MIPOL1: variants seen among roughly 807,000 people sequenced by gnomAD.
The protein encoded by MIPOL1 is mirror-image polydactyly 1, also known as mirror-image polydactyly gene 1 protein.
MIPOL1 carries 57 observed loss-of-function variants against 60.9 expected under a neutral mutation model. That is an observed-to-expected ratio of 0.94 (90% CI 0.76 to 1.17). The LOEUF (loss-of-function observed/expected upper bound fraction) is 1.17. Among genes scored for constraint, MIPOL1 ranks in the 50% most tolerant of loss-of-function variants. The pLI is 0.00. For missense variants in MIPOL1, 551 were observed against 511.6 expected, an observed-to-expected ratio of 1.08 and a Z score of -0.74; for synonymous variants, 179 against 168.8, an observed-to-expected ratio of 1.06 and a Z score of -0.47.
chr14:37,353,155 T>A (rs1185921558), intron 9 of MIPOL1, among the ~76,000 whole-genome samples: 2 of 145,480 alleles, frequency 1.4e-5, no homozygotes, highest in Non-Finnish European at 3.0e-5. Context: ...CTGCATCTAT[T>A]GAGATAATCA....
At chr14:37,342,595 A>C (rs1186603154) in intron 9 of MIPOL1, among the ~76,000 whole-genome samples, 5 of 151,820 alleles carry the variant, frequency 3.3e-5, no homozygotes, top group Non-Finnish European at 7.4e-5. Flanking sequence ...ACAGGGTTTC[A>C]CCATGTTGGT....
intron 10 of MIPOL1, among the ~76,000 whole-genome samples, chr14:37,380,939 T>C (rs1171797716): frequency 1.3e-5 from 2 of 152,136 alleles, no homozygotes; most frequent in African/African-American, 4.8e-5. Context: ...TGGAATGCTT[T>C]TCCAACCTTT....
At chr14:37,471,467 G>T (rs1404674985) in intron 11 of MIPOL1, among the ~76,000 whole-genome samples, 1 of 152,156 alleles carries the variant, frequency 6.6e-6, no homozygotes, top group Non-Finnish European at 1.5e-5. Context: ...GGAGGGTGAG[G>T]TGAGGCTTAA....
chr14:37,481,246 A>G (rs959577318), intron 11 of MIPOL1, among the ~76,000 whole-genome samples: 1 of 152,202 alleles, frequency 6.6e-6, no homozygotes, highest in Non-Finnish European at 1.5e-5. Context: ...TCTGAACCAG[A>G]AATCAAGAGA....
intron 6 of MIPOL1, among the ~76,000 whole-genome samples, chr14:37,283,311 C>T (rs2084280911): frequency 6.6e-6 from 1 of 152,148 alleles, no homozygotes; most frequent in Non-Finnish European, 1.5e-5. Flanking sequence ...AGGTGATCCA[C>T]CTGCCTCGGC....
intron 12 of MIPOL1, chr14:37,501,640 A>G (rs2095216903): frequency 6.6e-6 from 1 of 152,212 alleles, no homozygotes; most frequent in African/African-American, 2.4e-5. Flanking sequence ...CAAGATAACC[A>G]AATAGGAACA....
chr14:37,347,003 A>T (rs2090992179), intron 9 of MIPOL1, among the ~76,000 whole-genome samples: 1 of 152,190 alleles, frequency 6.6e-6, no homozygotes, highest in Non-Finnish European at 1.5e-5. Flanking sequence ...AGTCATTAAG[A>T]TGTAAACCTG....
intron 12 of MIPOL1, among the ~76,000 whole-genome samples, chr14:37,528,559 T>TA (rs1205582409): frequency 6.6e-6 from 1 of 152,092 alleles, no homozygotes; most frequent in Non-Finnish European, 1.5e-5. Context: ...GAGAGAAATA[T>TA]AGTACTTTTT....
At position 37,387,470 on chromosome 14, in the gene MIPOL1, G is replaced by A. The variant is rs576411735; in HGVS notation, c.936+17846G>A. On this transcript the variant is annotated intron_variant, in intron 10 of 12. Coordinates refer to ENST00000684589, the MANE Select transcript of MIPOL1 (RefSeq NM_001388067.1). Reference sequence around the variant, plus strand: ...GAAGTAAAGGGGAGGAAGGATTCTCGTAGGGCTATTAAGACTTTGTTTCCA... The same window carrying A: ...GAAGTAAAGGGGAGGAAGGATTCTCATAGGGCTATTAAGACTTTGTTTCCA... 7.2e-5 allele frequency among the ~76,000 whole-genome samples: 11 copies of A among 151,922 alleles called. No individual in the cohort carries two copies. The East Asian group carries it at 1.5e-3, about 21-fold the overall frequency.
At chr14:37,479,467 G>T (rs1250207867) in intron 11 of MIPOL1, among the ~76,000 whole-genome samples, 1 of 151,922 alleles carries the variant, frequency 6.6e-6, no homozygotes, top group African/African-American at 2.4e-5. Context: ...GAAATTAAAA[G>T]AAATATTTAA....
intron 9 of MIPOL1, among the ~76,000 whole-genome samples, chr14:37,365,317 C>A (rs1166386904): frequency 1.3e-5 from 2 of 152,052 alleles, no homozygotes; most frequent in African/African-American, 4.8e-5. Flanking sequence ...CAGTTTTTCC[C>A]CATTCAGTAT....
At chr14:37,209,287 A>G (rs983870099) in intron 1 of MIPOL1, among the ~76,000 whole-genome samples, 1 of 152,178 alleles carries the variant, frequency 6.6e-6, no homozygotes, top group Non-Finnish European at 1.5e-5. Flanking sequence ...CAGTTGGAGC[A>G]TTTGGCAATT....
intron 9 of MIPOL1, among the ~76,000 whole-genome samples, chr14:37,360,009 A>G (rs1365010604): frequency 1.3e-5 from 2 of 152,130 alleles, no homozygotes; most frequent in Non-Finnish European, 2.9e-5. Context: ...TGTCTAGTTC[A>G]TTGTGAGTTT....
At chr14:37,281,963 C>T (rs916208958) in intron 6 of MIPOL1, among the ~76,000 whole-genome samples, 1 of 151,874 alleles carries the variant, frequency 6.6e-6, no homozygotes, top group African/African-American at 2.4e-5. Flanking sequence ...TGTGTTTGTG[C>T]ATGTGTGTTT....
intron 3 of MIPOL1, among the ~76,000 whole-genome samples, chr14:37,254,267 A>T (rs1364959991): frequency 1.3e-5 from 2 of 151,784 alleles, no homozygotes; most frequent in African/African-American, 4.8e-5. Context: ...GATGTGAATG[A>T]TTCTGTTAAT....
chr14:37,357,755 T>G (rs999060890), intron 9 of MIPOL1, among the ~76,000 whole-genome samples: 2 of 152,116 alleles, frequency 1.3e-5, no homozygotes, highest in South Asian at 2.1e-4. Context: ...GCAGAAGATT[T>G]TTAAGTTGAT....
At chr14:37,287,975 C>T (rs1425798758) in intron 7 of MIPOL1, among the ~76,000 whole-genome samples, 1 of 151,800 alleles carries the variant, frequency 6.6e-6, no homozygotes, top group African/African-American at 2.4e-5. Flanking sequence ...ATGTGACTCT[C>T]AGGTATGAAT....
chr14:37,245,308 A>G (rs1232972663), intron 1 of MIPOL1, among the ~76,000 whole-genome samples: 2 of 152,168 alleles, frequency 1.3e-5, no homozygotes, highest in African/African-American at 4.8e-5. Context: ...GTCTTTTGAC[A>G]GATTTCATTG....
intron 9 of MIPOL1, among the ~76,000 whole-genome samples, chr14:37,319,335 C>G (rs1222863060): frequency 6.6e-6 from 1 of 152,052 alleles, no homozygotes; most frequent in Non-Finnish European, 1.5e-5. Context: ...TCTAAATAGC[C>G]TTCTTAGAAA....
Sources: gnomAD v4.1 joint callset for allele counts (sites outside exome capture counted in the v4.1 genomes callset) on GRCh38, gnomAD v4.1.1 for gene constraint, MANE v1.5 for transcripts, NCBI Gene and HGNC (gene_info 2026-07-23, HGNC 2026-07-21) for gene names.